RIPOR2: variants seen among roughly 807,000 people sequenced by gnomAD.
The protein encoded by RIPOR2 is RHO family interacting cell polarization regulator 2, also known as rho family-interacting cell polarization regulator 2.
A neutral mutation model predicts 114.5 loss-of-function variants in RIPOR2; 39 were observed. That is an observed-to-expected ratio of 0.34 (90% CI 0.26 to 0.44). RIPOR2 has a LOEUF of 0.44. Ranked by LOEUF, RIPOR2 falls within the 20% of genes least tolerant of loss-of-function variation. The pLI, the probability that RIPOR2 is intolerant of heterozygous loss-of-function variation, is 1.00. For missense variants in RIPOR2, 1,007 were observed against 1,255.1 expected (o/e 0.80, Z 2.99); for synonymous variants, 445 against 484.4 (o/e 0.92, Z 1.07).
At chr6:24,828,433 G>T in intron 17 of RIPOR2, 138 bp from the exon 18 acceptor site, 1 of 646,862 alleles carries the variant, frequency 1.5e-6, no homozygotes, top group Non-Finnish European at 2.3e-6. Context: ...CAAACTCCTG[G>T]GCTCAAGCAG....
At chr6:24,925,197 C>T (rs1770772982) in intron 1 of RIPOR2, among the ~76,000 whole-genome samples, 2 of 152,218 alleles carry the variant, frequency 1.3e-5, no homozygotes, top group South Asian at 2.1e-4. Flanking sequence ...AAGCCACTGA[C>T]TCACTGTGTG....
At position 24,870,874 on chromosome 6, in the gene RIPOR2, G is replaced by A. The variant is rs1765099067; in HGVS notation, c.439C>T (p.Leu147=). 2 of 1,602,376 alleles carry A rather than the reference G, an allele frequency of 1.2e-6. No individual in the cohort carries two copies. Among genetic ancestry groups the A allele is most frequent in the African/African-American group, 1.3e-5 (1 of 74,516 alleles). Residue 147 remains leucine (L), a synonymous_variant, in exon 5 of 22, where the codon CTA becomes TTA. Coordinates refer to ENST00000643898, the MANE Select transcript of RIPOR2 (RefSeq NM_001286445.3). ...RNSRLGVLYD[L]DKQIKTIERY... is the part of the protein sequence containing the mutation. ...ACGGAATGGCAACTTACCTTGTCTA[G>A]GTCATACAGTACACCCTACAATAAA... is the stretch of plus-strand genomic sequence containing the variant.
intron 13 of RIPOR2, chr6:24,840,151 A>T (rs1761547097): frequency 2.4e-6 from 2 of 819,990 alleles, no homozygotes; most frequent in African/African-American, 3.8e-5. Flanking sequence ...GGGTCTCCCT[A>T]TGTTGACCAT....
rs765095726 is a variant in RIPOR2, at chr6:24,960,916, C to T, written c.76+80935G>A. ...GCCCCCAAGACTCTCCCCAGTCATA[C>T]GAGTGAGGGGTGGAATGTGCTACAG... On this transcript the variant is annotated intron_variant, in intron 1 of 13. Transcript: ENST00000510784. 3.9e-5 allele frequency among the ~76,000 whole-genome samples: 6 copies of T among 152,090 alleles called. No homozygotes were observed. The South Asian group carries it at 6.2e-4, about 16-fold the overall frequency.
At chr6:24,831,890 G>C (rs1236937196) in intron 16 of RIPOR2, among the ~76,000 whole-genome samples, 1 of 152,138 alleles carries the variant, frequency 6.6e-6, no homozygotes, top group Non-Finnish European at 1.5e-5. Context: ...CCAATTGACA[G>C]TCACTACAGG....
chr6:24,967,492 G>T (rs778227758), intron 1 of RIPOR2, among the ~76,000 whole-genome samples: 10 of 152,048 alleles, frequency 6.6e-5, no homozygotes, highest in Non-Finnish European at 1.0e-4. Context: ...AGCTGGCAAG[G>T]GTGATCAAGA....
At chr6:25,020,473 T>C (rs569895677) in intron 1 of RIPOR2, among the ~76,000 whole-genome samples, 1 of 152,256 alleles carries the variant, frequency 6.6e-6, no homozygotes, top group East Asian at 1.9e-4. Flanking sequence ...AATGTGATAT[T>C]CATCTTGATT....
chr6:25,009,951 C>T (rs148451516), intron 1 of RIPOR2, among the ~76,000 whole-genome samples: 81 of 152,040 alleles, frequency 5.3e-4, no homozygotes, highest in Middle Eastern at 3.4e-3. Flanking sequence ...CATGGGAGAA[C>T]GGATGCCCAG....
chr6:24,866,266 C>T (rs897408016), intron 6 of RIPOR2, among the ~76,000 whole-genome samples: 1 of 152,148 alleles, frequency 6.6e-6, no homozygotes, highest in African/African-American at 2.4e-5. Flanking sequence ...TACACATCTA[C>T]ACTTATGCTT....
At position 24,864,810 on chromosome 6, in the gene RIPOR2, T is replaced by C. The variant is rs372061038; in HGVS notation, c.651+491A>G. Among the ~76,000 whole-genome samples the C allele has an allele frequency of 4.5e-4, 69 of 152,280 alleles. No homozygotes were observed. The South Asian group carries it at 0.013, about 28-fold the overall frequency. ...AACATTGTAGGCAGAGGGTTACTGA[T>C]CCAACACTGACATCCAGTGTAGCTA... On this transcript the variant is annotated intron_variant, in intron 7 of 21. Transcript: ENST00000643898.
chr6:25,022,917 A>C (rs564127429), intron 1 of RIPOR2, among the ~76,000 whole-genome samples: 74 of 152,298 alleles, frequency 4.9e-4, no homozygotes, highest in Admixed American at 4.6e-3. Flanking sequence ...GACAGGAAAA[A>C]GAGAAAATGC....
At chr6:24,895,440 A>AC in intron 1 of RIPOR2, among the ~76,000 whole-genome samples, 1 of 101,992 alleles carries the variant, frequency 9.8e-6, no homozygotes, top group African/African-American at 6.6e-5. Flanking sequence ...ACGTACTTTA[A>AC]AAAAAAAAAA....
chr6:24,950,698 G>C (rs1245629878), intron 1 of RIPOR2, among the ~76,000 whole-genome samples: 7 of 152,182 alleles, frequency 4.6e-5, no homozygotes, highest in Non-Finnish European at 2.9e-5. Flanking sequence ...GGAAACCTAT[G>C]CCAGAAAGTT....
At chr6:24,830,377 T>C in intron 17 of RIPOR2, 132 bp downstream of exon 17, 1 of 683,834 alleles carries the variant, frequency 1.5e-6, no homozygotes, top group Non-Finnish European at 2.5e-6. Context: ...ACACTTCTTT[T>C]TTCAGGGATG....
intron 1 of RIPOR2, among the ~76,000 whole-genome samples, chr6:25,005,649 G>A (rs1374994512): frequency 1.4e-5 from 2 of 142,214 alleles, no homozygotes; most frequent in Non-Finnish European, 3.1e-5. Flanking sequence ...TGGTGAATGT[G>A]GCAGGTATTT....
chr6:25,041,453 C>G (rs1777459626), intron 1 of RIPOR2, among the ~76,000 whole-genome samples: 1 of 152,248 alleles, frequency 6.6e-6, no homozygotes, highest in Non-Finnish European at 1.5e-5. Flanking sequence ...AGCGACACTG[C>G]TGATAACCTG....
chr6:24,940,065 GAA>G (rs536235391), upstream of RIPOR2, among the ~76,000 whole-genome samples: 451 of 152,258 alleles, frequency 3.0e-3, 1 homozygote, highest in Middle Eastern at 6.8e-3. Flanking sequence ...GGTATGGTGT[GAA>G]ATATTTAAGT....
chr6:24,809,288 G>C (rs1331993329), intron 21 of RIPOR2, among the ~76,000 whole-genome samples: 1 of 152,184 alleles, frequency 6.6e-6, no homozygotes, highest in East Asian at 1.9e-4. Flanking sequence ...CTGGGAGTCA[G>C]GGTGAGGCTG....
At chr6:24,833,710 G>A (rs922601576) in intron 15 of RIPOR2, among the ~76,000 whole-genome samples, 2 of 151,954 alleles carry the variant, frequency 1.3e-5, no homozygotes, top group African/African-American at 2.4e-5. Context: ...ATGAATCAAC[G>A]CAAGCCAGAA....
Sources: gnomAD v4.1 joint callset for allele counts (sites outside exome capture counted in the v4.1 genomes callset) on GRCh38, gnomAD v4.1.1 for gene constraint, MANE v1.5 for transcripts, NCBI Gene and HGNC (gene_info 2026-07-23, HGNC 2026-07-21) for gene names.